ABAT: variants seen among roughly 807,000 people sequenced by gnomAD.
ABAT encodes the protein 4-aminobutyrate aminotransferase.
In ABAT, 45 loss-of-function variants were observed where a neutral mutation model predicts 64.6. The ratio of observed to expected loss-of-function variants is 0.70; its 90% CI spans 0.55 to 0.89. The LOEUF is 0.89. ABAT is among the 40% of genes least tolerant of loss of function. The pLI, the probability that ABAT is intolerant of heterozygous loss-of-function variation, is 0.00. For synonymous variants in ABAT, 297 were observed against 250.5 expected (o/e 1.19, Z -1.75); for missense variants, 633 against 658.4 (o/e 0.96, Z 0.42).
chr16:8,775,161 C>A, intron 13 of ABAT, 104 bp downstream of exon 13: 1 of 1,492,016 alleles, frequency 6.7e-7, no homozygotes, highest in African/African-American at 1.4e-5. Flanking sequence ...TGGGCACTTA[C>A]TGGGTCGCAG....
rs556393919 is a variant in ABAT, at chr16:8,740,395, A to C, written c.70+4586A>C. ...GGCTGTGGTCTCATATGATGGCTCA[A>C]CTTGGCGGTTGGACGATCTACTGGC... On this transcript the variant is annotated intron_variant, in intron 2 of 15. Coordinates refer to ENST00000268251, the MANE Select transcript of ABAT (RefSeq NM_020686.6). Among the ~76,000 whole-genome samples, 6 of 152,328 alleles carry C rather than the reference A, an allele frequency of 3.9e-5. No individual in the cohort carries two copies. The South Asian group carries it at 1.2e-3, about 32-fold the overall frequency.
intron 1 of ABAT, among the ~76,000 whole-genome samples, chr16:8,690,103 A>T (rs1254277003): frequency 6.6e-6 from 1 of 152,186 alleles, no homozygotes; most frequent in Non-Finnish European, 1.5e-5. Flanking sequence ...ATTAAGCTTC[A>T]TCTCCCAGCT....
intron 5 of ABAT, among the ~76,000 whole-genome samples, chr16:8,752,993 C>T (rs551378477): frequency 6.6e-6 from 1 of 152,220 alleles, no homozygotes; most frequent in South Asian, 2.1e-4. Context: ...GACTGATGGG[C>T]CCGAGTCTCA....
At position 8,750,590 on chromosome 16, in the gene ABAT, C is replaced by T. The variant is rs372442521; in HGVS notation, c.316+51C>T. The T allele has an allele frequency of 3.9e-6, 6 of 1,526,868 alleles. No homozygotes were observed. The African/African-American group carries it at 6.8e-5, about 17-fold the overall frequency. 94.6% of individuals were successfully genotyped at this position (1,526,868 alleles called of 1,614,324 possible). Reference sequence around the variant, plus strand: ...GATATAACCTCTGTTTCTGTCTCTCCTAGTCGTGGCTATCCAGGTATTAGG... The same window carrying T: ...GATATAACCTCTGTTTCTGTCTCTCTTAGTCGTGGCTATCCAGGTATTAGG... On this transcript the variant is annotated intron_variant, in intron 5 of 15. Transcript: ENST00000268251.
At chr16:8,686,923 C>T (rs1567270431) in intron 1 of ABAT, among the ~76,000 whole-genome samples, 1 of 152,144 alleles carries the variant, frequency 6.6e-6, no homozygotes, top group African/African-American at 2.4e-5. Flanking sequence ...CTTTCCTTAG[C>T]CCCAGAGACA....
At chr16:8,773,158 A>ATTTTT (rs57095363) in intron 12 of ABAT, among the ~76,000 whole-genome samples, 4 of 126,994 alleles carry the variant, frequency 3.1e-5, no homozygotes, top group African/African-American at 9.8e-5. Context: ...ATATATATAT[A>ATTTTT]TTTTTTTTTT....
intron 1 of ABAT, among the ~76,000 whole-genome samples, chr16:8,708,467 C>T (rs1406828267): frequency 6.6e-6 from 1 of 151,678 alleles, no homozygotes; most frequent in Non-Finnish European, 1.5e-5. Flanking sequence ...GTGGGGGGCG[C>T]AGGTGGCTCG....
rs1277039322 is a variant in ABAT at position 8,781,471 on chromosome 16, C to T, written c.*41C>T. On this transcript the variant is annotated 3_prime_UTR_variant, in exon 16 of 16. Transcript: ENST00000268251. This position sits in a 1 kb window ranked among gnomAD's most constrained non-coding sequence, Gnocchi z 4.5. ...TACAGTGAGAAAGCCCGGATCCCAACAGTTGTCAAATTGATTAGTTTGCCT... is the reference window on the plus strand; with the variant it reads ...TACAGTGAGAAAGCCCGGATCCCAATAGTTGTCAAATTGATTAGTTTGCCT... The T allele has an allele frequency of 1.2e-6, 2 of 1,612,718 alleles. No homozygotes were observed. The highest frequency in any genetic ancestry group is 2.2e-5 in the East Asian group (1 of 44,890).
In ABAT at chr16:8,773,105, T is replaced by TATACACACACAC. The variant is rs774327698; in HGVS notation, c.954+189_954+190insTACACACACACA. On this transcript the variant is annotated intron_variant, in intron 12 of 15. Transcript: ENST00000268251. ...GAATGGGGATTCTTCCCTAAAACTA[T>TATACACACACAC]ACACACACACACACACACACACACA... Among the ~76,000 whole-genome samples, 673 of 109,020 alleles carry TATACACACACAC rather than the reference T, an allele frequency of 6.2e-3. 6 individuals are homozygous for TATACACACACAC. The highest frequency in any genetic ancestry group is 0.037 in the Middle Eastern group (7 of 190). The allele number at this position is 109,020 out of a possible 152,430, so 71.5% of individuals were successfully genotyped here.
chr16:8,705,262 G>GAC (rs1367060525), intron 1 of ABAT, among the ~76,000 whole-genome samples: 2 of 151,830 alleles, frequency 1.3e-5, no homozygotes, highest in African/African-American at 4.8e-5. Flanking sequence ...GGTGGCAGGA[G>GAC]AGAGAGAGAG....
intron 6 of ABAT, among the ~76,000 whole-genome samples, chr16:8,758,525 C>T (rs998854792): frequency 6.6e-6 from 1 of 152,102 alleles, no homozygotes; most frequent in African/African-American, 2.4e-5. Flanking sequence ...TCAGACGCCA[C>T]CTAGGCCAGG....
intron 12 of ABAT, among the ~76,000 whole-genome samples, chr16:8,773,549 C>T (rs1039823471): frequency 1.3e-5 from 2 of 152,334 alleles, no homozygotes; most frequent in Admixed American, 1.3e-4. Context: ...AAATATTTAT[C>T]ATCTCTTTGT....
chr16:8,702,715 T>TG (rs34595884), intron 1 of ABAT, among the ~76,000 whole-genome samples: 109,514 of 151,936 alleles, frequency 0.72, 39,807 homozygotes, highest in East Asian at 0.86. Flanking sequence ...GAGATTTGGG[T>TG]GGGACATGGA....
intron 1 of ABAT, among the ~76,000 whole-genome samples, chr16:8,709,477 G>A (rs1038197211): frequency 2.2e-4 from 33 of 152,138 alleles, no homozygotes; most frequent in African/African-American, 6.7e-4. Context: ...GGGTTCAAGC[G>A]ATTCTCCTGC....
chr16:8,763,757 G>A (rs1442283198), intron 6 of ABAT, among the ~76,000 whole-genome samples: 2 of 152,178 alleles, frequency 1.3e-5, no homozygotes, highest in Non-Finnish European at 2.9e-5. Flanking sequence ...CTCACGGGAA[G>A]TTGCAAAAAC....
intron 1 of ABAT, among the ~76,000 whole-genome samples, chr16:8,695,296 A>T (rs990053699): frequency 2.6e-5 from 4 of 152,200 alleles, no homozygotes; most frequent in Non-Finnish European, 5.9e-5. Flanking sequence ...ATTTCTGTTG[A>T]AAGACTGGAA....
chr16:8,745,780 C>T (rs2059310432), intron 2 of ABAT, among the ~76,000 whole-genome samples: 2 of 152,200 alleles, frequency 1.3e-5, no homozygotes, highest in African/African-American at 4.8e-5. Context: ...GCCTATTTGC[C>T]TACAACTTTG....
Position 8,783,256 on chromosome 16 carries a change from C to CG in ABAT, c.*1829dup, listed in dbSNP as rs2060480241. The CG allele has an allele frequency of 6.6e-6, 1 of 152,022 alleles. No individual in the cohort carries two copies. Among genetic ancestry groups the CG allele is most frequent in the Non-Finnish European group, 1.5e-5 (1 of 68,022 alleles). 9.4% of individuals were successfully genotyped at this position (152,022 alleles called of 1,614,324 possible). On this transcript the variant is annotated 3_prime_UTR_variant, in exon 16 of 16. Coordinates refer to ENST00000268251, the MANE Select transcript of ABAT (RefSeq NM_020686.6). ...CCATCCCAGGCCCTGTGCGGAGCATCGGGAATACAAAGATGAGATAAAACA... is the reference window on the plus strand; with the variant it reads ...CCATCCCAGGCCCTGTGCGGAGCATCGGGGAATACAAAGATGAGATAAAACA...
chr16:8,709,550 T>C (rs1052919717), intron 1 of ABAT, among the ~76,000 whole-genome samples: 122 of 152,244 alleles, frequency 8.0e-4, no homozygotes, highest in African/African-American at 2.8e-3. Flanking sequence ...ATTTTTGTAT[T>C]TTCAGTAGAG....
Sources: allele counts gnomAD v4.1 joint callset (sites outside exome capture counted in the v4.1 genomes callset), GRCh38; gene constraint gnomAD v4.1.1; non-coding constraint Gnocchi (gnomAD v3.1); transcripts MANE v1.5; gene names NCBI Gene and HGNC (gene_info 2026-07-23, HGNC 2026-07-21).